PHLPP1: variants seen among roughly 807,000 people sequenced by gnomAD.
PHLPP1 encodes the protein PH domain and leucine rich repeat protein phosphatase 1, also known as PH domain leucine-rich repeat-containing protein phosphatase 1.
A neutral mutation model predicts 117.2 loss-of-function variants in PHLPP1; 42 were observed. The ratio of observed to expected loss-of-function variants is 0.36; its 90% confidence interval spans 0.28 to 0.46. The LOEUF is 0.46. Among genes scored for constraint, PHLPP1 ranks in the 20% least tolerant of loss-of-function variants. The probability of loss-of-function intolerance (pLI) is 1.00; values close to 1 mark genes in which losing one functional copy is unlikely to be tolerated. For missense variants in PHLPP1, 2,084 were observed against 2,241.9 expected (o/e 0.93, Z 1.42); for synonymous variants, 1,042 against 970.7 (o/e 1.07, Z -1.37).
chr18:62,833,062 T>A (rs1230829715), intron 2 of PHLPP1, among the ~76,000 whole-genome samples: 1 of 152,188 alleles, frequency 6.6e-6, no homozygotes, highest in African/African-American at 2.4e-5. Context: ...AACATAGATT[T>A]TTAAATAATG....
intron 13 of PHLPP1, among the ~76,000 whole-genome samples, chr18:62,961,904 A>G (rs1379232589): frequency 6.6e-6 from 1 of 152,206 alleles, no homozygotes; most frequent in Non-Finnish European, 1.5e-5. Flanking sequence ...AAAAATTGCC[A>G]TCAGTTATTT....
chr18:62,799,310 G>A (rs1913710506), intron 1 of PHLPP1, among the ~76,000 whole-genome samples: 1 of 152,202 alleles, frequency 6.6e-6, no homozygotes, highest in Admixed American at 6.5e-5. Context: ...ACTGTTGGTA[G>A]CAAGACTCTG....
At position 62,903,052 on chromosome 18, in the gene PHLPP1, G is replaced by C. The variant is rs1351664436; in HGVS notation, c.2533G>C (p.Asp845His). Reference sequence around the variant, plus strand: ...TGACCTACGAGACAATAAGCTTGGTGATCTAGATGCTATGATTTTCAACAA... The same window carrying C: ...TGACCTACGAGACAATAAGCTTGGTCATCTAGATGCTATGATTTTCAACAA... ...QLDLRDNKLG[D>H]LDAMIFNNIE... Residue 845 changes from aspartate to histidine, a missense_variant, in exon 7 of 17, where the codon GAT (aspartate) becomes CAT (histidine). By Grantham distance (81) the Asp-to-His change is moderately conservative (BLOSUM62 -1). Transcript: ENST00000262719. 3 of 1,612,984 alleles carry C rather than the reference G, an allele frequency of 1.9e-6. No homozygotes were observed. The South Asian group carries it at 3.3e-5, about 18-fold the overall frequency.
chr18:62,771,452 A>G (rs1453146105), intron 1 of PHLPP1, among the ~76,000 whole-genome samples: 1 of 152,202 alleles, frequency 6.6e-6, no homozygotes, highest in Non-Finnish European at 1.5e-5. Flanking sequence ...AAAAGCATCA[A>G]CAGAATTACC....
intron 1 of PHLPP1, among the ~76,000 whole-genome samples, chr18:62,809,398 A>G (rs888248092): frequency 2.0e-5 from 3 of 152,182 alleles, no homozygotes; most frequent in East Asian, 3.8e-4. Flanking sequence ...TATACACAAT[A>G]TAAGTATCAA....
At chr18:62,944,691 C>T (rs1365822959) in intron 11 of PHLPP1, among the ~76,000 whole-genome samples, 2 of 152,170 alleles carry the variant, frequency 1.3e-5, no homozygotes, top group East Asian at 3.8e-4. Flanking sequence ...CTACCTCCCC[C>T]TTGAGTTTTC....
At chr18:62,771,043 A>G (rs1297540456) in intron 1 of PHLPP1, among the ~76,000 whole-genome samples, 1 of 151,934 alleles carries the variant, frequency 6.6e-6, no homozygotes, top group Non-Finnish European at 1.5e-5. Context: ...GTGTAAACCT[A>G]TCTATACTAA....
intron 1 of PHLPP1, among the ~76,000 whole-genome samples, chr18:62,766,071 AAAAAAATATATAT>A (rs1912475343): frequency 1.8e-5 from 1 of 56,906 alleles, no homozygotes; most frequent in East Asian, 6.2e-4. Flanking sequence ...AAAAAAAAAA[AAAAAAATATATAT>A]ATATATATAT....
In PHLPP1 at chr18:62,824,823, A is replaced by G. The variant is rs914432701; in HGVS notation, c.1577-5212A>G. On this transcript the variant is annotated intron_variant, in intron 1 of 16. Transcript: ENST00000262719. ...CCATTCAGGATGTAAAACAACCCCA[A>G]CAAAGGCACACAAAGTATATTGCTT... Among the ~76,000 whole-genome samples, 15 of 152,150 alleles carry G rather than the reference A, an allele frequency of 9.9e-5. No individual in the cohort carries two copies. In the East Asian group the frequency reaches 2.9e-3, roughly 29 times the overall value.
intron 3 of PHLPP1, among the ~76,000 whole-genome samples, chr18:62,851,573 G>A (rs1915351585): frequency 6.6e-6 from 1 of 152,090 alleles, no homozygotes; most frequent in South Asian, 2.1e-4. Flanking sequence ...AGATTCTCTT[G>A]CCTCAGTCTC....
At chr18:62,936,794 G>A (rs1422911729) in intron 10 of PHLPP1, among the ~76,000 whole-genome samples, 1 of 152,202 alleles carries the variant, frequency 6.6e-6, no homozygotes, top group African/African-American at 2.4e-5. Context: ...AAGACTGATT[G>A]GAGAAGAAAG....
At chr18:62,975,680 G>A in intron 16 of PHLPP1, 55 bp downstream of exon 16, 1 of 1,173,378 alleles carries the variant, frequency 8.5e-7, no homozygotes. Flanking sequence ...GAGGAGACCA[G>A]GTCATAGCAG....
intron 4 of PHLPP1, among the ~76,000 whole-genome samples, chr18:62,878,179 TTACTC>T (rs149324593): frequency 1.5e-3 from 224 of 152,342 alleles, no homozygotes; most frequent in African/African-American, 5.0e-3. Flanking sequence ...GTAATCAACT[TTACTC>T]TGCACAGCTC....
At chr18:62,890,413 C>T (rs776821887) in intron 4 of PHLPP1, among the ~76,000 whole-genome samples, 13 of 151,902 alleles carry the variant, frequency 8.6e-5, no homozygotes, top group Admixed American at 1.3e-4. Context: ...CTACAGGCAC[C>T]CGCCACCACG....
chr18:62,757,356 T>TAGAG (rs1378682806), intron 1 of PHLPP1, among the ~76,000 whole-genome samples: 1 of 152,214 alleles, frequency 6.6e-6, no homozygotes, highest in African/African-American at 2.4e-5. Flanking sequence ...TGCTGACTGT[T>TAGAG]AGAGATTTGT....
intron 7 of PHLPP1, among the ~76,000 whole-genome samples, chr18:62,903,369 C>G (rs1388414988): frequency 6.6e-6 from 1 of 151,892 alleles, no homozygotes; most frequent in African/African-American, 2.4e-5. Flanking sequence ...TAATTTTTTT[C>G]TCGTATTGTG....
intron 14 of PHLPP1, among the ~76,000 whole-genome samples, chr18:62,968,919 T>G (rs1910979745): frequency 6.6e-6 from 1 of 152,226 alleles, no homozygotes; most frequent in South Asian, 2.1e-4. Flanking sequence ...GTGTTTTCTT[T>G]TTCCTGATCA....
At chr18:62,941,239 T>G (rs1286151891) in intron 10 of PHLPP1, among the ~76,000 whole-genome samples, 3 of 152,222 alleles carry the variant, frequency 2.0e-5, no homozygotes, top group African/African-American at 7.2e-5. Context: ...CCTGTTTTAT[T>G]ACTATAAGAA....
intron 3 of PHLPP1, 26 bp downstream of exon 3, chr18:62,838,935 C>T (rs766999607): frequency 3.1e-6 from 5 of 1,612,742 alleles, no homozygotes; most frequent in Non-Finnish European, 4.2e-6. Flanking sequence ...ATCCAGGAAT[C>T]CACTCAGCTT....
Sources: allele counts gnomAD v4.1 joint callset (sites outside exome capture counted in the v4.1 genomes callset), GRCh38; gene constraint gnomAD v4.1.1; transcripts MANE v1.5; gene names NCBI Gene and HGNC (gene_info 2026-07-23, HGNC 2026-07-21).